Variants in ZBBX observed in about 807,000 individuals in gnomAD.
ZBBX encodes the protein zinc finger B-box domain containing, also known as zinc finger B-box domain-containing protein 1.
A neutral mutation model predicts 108.5 loss-of-function variants in ZBBX; 101 were observed. The observed-to-expected ratio is 0.93, with a 90% CI of 0.79 to 1.10. ZBBX has a LOEUF of 1.10. Ranked by LOEUF, ZBBX falls within the 50% of genes least tolerant of loss-of-function variation. ZBBX has a pLI of 0.00. For missense variants in ZBBX, 1,009 were observed against 941.4 expected (o/e 1.07, Z -0.94); for synonymous variants, 356 against 323.4 (o/e 1.10, Z -1.08).
In ZBBX at chr3:167,328,087, T is replaced by C. The variant is rs966419505; in HGVS notation, c.717A>G (p.Gln239=). 2.5e-6 allele frequency: 4 copies of C among 1,613,286 alleles called. No homozygotes were observed. The South Asian group carries it at 3.3e-5, about 13-fold the overall frequency. Residue 239 remains glutamine, a synonymous_variant, in exon 11 of 22, where the codon CAA becomes CAG. Coordinates refer to ENST00000675490, the MANE Select transcript of ZBBX (RefSeq NM_001199201.2). ...ACAGACTCTTTCTTGGTTTTGTACG[T>C]TGTGCTCTTTTCATCGTTGTAATTT... The part of the protein sequence containing the change: ...EVEITTMKRA[Q]RTKPRKSLLC...
rs201113494 is a variant in ZBBX at position 167,358,970 on chromosome 3, A to AAT, written c.432+898_432+899dup. 5.2e-3 allele frequency among the ~76,000 whole-genome samples: 768 copies of AAT among 148,864 alleles called. 11 individuals are homozygous for AAT. The highest frequency in any genetic ancestry group is 0.017 in the African/African-American group (694 of 40,704). ...AAAAAAAAAAAAAAAAAAGAGAGAG[A>AAT]ATATGTCACTTGTGAGAAAAGAAAA... On this transcript the variant is annotated intron_variant, in intron 8 of 21. Transcript: ENST00000675490.
At chr3:167,280,739 C>T (rs59503061) in intron 20 of ZBBX, among the ~76,000 whole-genome samples, 1 of 151,406 alleles carries the variant, frequency 6.6e-6, no homozygotes, top group Non-Finnish European at 1.5e-5. Flanking sequence ...TTTGACCCAG[C>T]CATCCCATTA....
At chr3:167,297,670 T>C (rs1004006728) in intron 18 of ZBBX, among the ~76,000 whole-genome samples, 3 of 151,876 alleles carry the variant, frequency 2.0e-5, no homozygotes, top group Non-Finnish European at 4.4e-5. Flanking sequence ...AATAAGGAAC[T>C]CCTATAACTC....
chr3:167,189,392 T>C, the ZBBX span, among the ~76,000 whole-genome samples: 2,023 of 152,256 alleles, frequency 0.013, 22 homozygotes, highest in South Asian at 0.026. Flanking sequence ...GTGACGGATG[T>C]CTGCAAGCCC....
At chr3:167,324,311 T>C (rs1736990890) in intron 11 of ZBBX, among the ~76,000 whole-genome samples, 1 of 152,050 alleles carries the variant, frequency 6.6e-6, no homozygotes, top group African/African-American at 2.4e-5. Flanking sequence ...TGTATGACTT[T>C]TCTTTAAATT....
At chr3:167,357,485 C>A (rs916783583) in intron 8 of ZBBX, among the ~76,000 whole-genome samples, 1 of 152,014 alleles carries the variant, frequency 6.6e-6, no homozygotes, top group Non-Finnish European at 1.5e-5. Flanking sequence ...GAATGGGAAT[C>A]CAGTGATTCC....
At chr3:167,373,172 T>G (rs1746422362) in intron 3 of ZBBX, among the ~76,000 whole-genome samples, 1 of 152,154 alleles carries the variant, frequency 6.6e-6, no homozygotes, top group African/African-American at 2.4e-5. Context: ...ACAAAAAAAG[T>G]ACAACTATTT....
chr3:167,249,545 C>G (rs968023764), intron 20 of ZBBX, among the ~76,000 whole-genome samples: 1 of 152,178 alleles, frequency 6.6e-6, no homozygotes, highest in African/African-American at 2.4e-5. Flanking sequence ...TCTTAACCCT[C>G]CAACAAATGC....
At chr3:167,328,590 C>T (rs1009762415) in intron 10 of ZBBX, among the ~76,000 whole-genome samples, 5 of 152,150 alleles carry the variant, frequency 3.3e-5, no homozygotes, top group African/African-American at 1.2e-4. Context: ...CACCGCCCTA[C>T]ACAACCTTGT....
At chr3:167,222,161 C>T in the ZBBX span, among the ~76,000 whole-genome samples, 2 of 151,118 alleles carry the variant, frequency 1.3e-5, no homozygotes, top group South Asian at 4.2e-4. Context: ...TCTAAGTGTC[C>T]ATCAACAGAT....
intron 11 of ZBBX, among the ~76,000 whole-genome samples, chr3:167,322,521 C>T (rs560632207): frequency 6.6e-6 from 1 of 151,962 alleles, no homozygotes; most frequent in East Asian, 1.9e-4. Context: ...ATTATAAATA[C>T]AAACATTCAT....
chr3:167,387,017 T>G (rs531175553), intron 1 of ZBBX, among the ~76,000 whole-genome samples: 2 of 152,038 alleles, frequency 1.3e-5, no homozygotes, highest in African/African-American at 4.8e-5. Context: ...GGAAAGTTAC[T>G]GCCACAATAT....
At chr3:167,273,652 T>C (rs1486655516) in intron 20 of ZBBX, among the ~76,000 whole-genome samples, 2 of 152,070 alleles carry the variant, frequency 1.3e-5, no homozygotes, top group East Asian at 2.0e-4. Flanking sequence ...GGTGGTGTTA[T>C]GGTGGACCCT....
intron 17 of ZBBX, among the ~76,000 whole-genome samples, chr3:167,301,439 G>C (rs113174210): frequency 6.6e-6 from 1 of 152,174 alleles, no homozygotes; most frequent in Non-Finnish European, 1.5e-5. Context: ...TGAAGAGAAC[G>C]GCAGGAAAGA....
intron 8 of ZBBX, among the ~76,000 whole-genome samples, chr3:167,352,166 G>C (rs1461465472): frequency 6.6e-6 from 1 of 151,920 alleles, no homozygotes. Flanking sequence ...AAATAAAATT[G>C]AGCTAAAAAA....
intron 16 of ZBBX, among the ~76,000 whole-genome samples, chr3:167,312,817 G>T (rs1363282284): frequency 6.6e-6 from 1 of 152,078 alleles, no homozygotes; most frequent in Non-Finnish European, 1.5e-5. Context: ...AAAATGTCAA[G>T]ACCAGCAGGA....
intron 1 of ZBBX, among the ~76,000 whole-genome samples, chr3:167,400,064 C>A (rs1168638991): frequency 6.6e-6 from 1 of 152,266 alleles, no homozygotes; most frequent in South Asian, 2.1e-4. Flanking sequence ...CATAGTATTC[C>A]GTAGTGTATA....
chr3:167,377,688 T>A (rs868488398), intron 2 of ZBBX, among the ~76,000 whole-genome samples: 60 of 151,788 alleles, frequency 4.0e-4, no homozygotes, highest in African/African-American at 1.3e-3. Flanking sequence ...ATATATTTTT[T>A]AAAATATTTA....
the ZBBX span, among the ~76,000 whole-genome samples, chr3:167,205,964 C>A: frequency 6.6e-6 from 1 of 152,072 alleles, no homozygotes; most frequent in South Asian, 2.1e-4. Flanking sequence ...ACTTAACGAT[C>A]AATCATCTAT....
Sources: gnomAD v4.1 joint callset for allele counts (sites outside exome capture counted in the v4.1 genomes callset) on GRCh38, gnomAD v4.1.1 for gene constraint, MANE v1.5 for transcripts, NCBI Gene and HGNC (gene_info 2026-07-23, HGNC 2026-07-21) for gene names.